The following GSK3B variants were observed in gnomAD, a reference collection of about 807,000 sequenced individuals.
GSK3B encodes the protein glycogen synthase kinase 3 beta.
A neutral mutation model predicts 56.4 loss-of-function variants in GSK3B; 15 were observed. That is an observed-to-expected ratio of 0.27 (90% CI 0.18 to 0.41). The LOEUF (loss-of-function observed/expected upper bound fraction) is 0.41, where lower values mean the gene tolerates loss of function less well. Among genes scored for constraint, GSK3B ranks in the 10% least tolerant of loss-of-function variants. The pLI, the probability that GSK3B is intolerant of heterozygous loss-of-function variation, is 1.00. For missense variants in GSK3B, 300 were observed against 513.4 expected (o/e 0.58, Z 4.02); for synonymous variants, 181 against 188.9 (o/e 0.96, Z 0.34).
chr3:119,900,390 T>C (rs1024004304), intron 7 of GSK3B, among the ~76,000 whole-genome samples: 12 of 152,266 alleles, frequency 7.9e-5, no homozygotes, highest in Admixed American at 7.9e-4. Flanking sequence ...GGAATTTTAA[T>C]ATTTAAAATT....
At chr3:119,856,585 A>G (rs1271303634) in intron 9 of GSK3B, among the ~76,000 whole-genome samples, 2 of 151,886 alleles carry the variant, frequency 1.3e-5, no homozygotes, top group Non-Finnish European at 2.9e-5. Context: ...TACCTGAACT[A>G]AATCTTACCT....
chr3:120,053,289 A>G (rs2058165747), intron 1 of GSK3B, among the ~76,000 whole-genome samples: 1 of 152,162 alleles, frequency 6.6e-6, no homozygotes, highest in Non-Finnish European at 1.5e-5. Context: ...GTGAGCCCAG[A>G]TCGCGCCACT....
intron 1 of GSK3B, among the ~76,000 whole-genome samples, chr3:120,027,305 A>C (rs904348038): frequency 2.0e-5 from 3 of 150,854 alleles, no homozygotes; most frequent in African/African-American, 7.3e-5. Context: ...TGAACCCAGG[A>C]GGTGGAGGTC....
At chr3:120,084,071 C>A (rs575857286) in intron 1 of GSK3B, among the ~76,000 whole-genome samples, 2 of 152,086 alleles carry the variant, frequency 1.3e-5, no homozygotes, top group Non-Finnish European at 2.9e-5. Context: ...TTACACAAGT[C>A]TATGAACACC....
At chr3:119,871,270 T>C (rs1228960318) in intron 8 of GSK3B, among the ~76,000 whole-genome samples, 2 of 152,234 alleles carry the variant, frequency 1.3e-5, no homozygotes, top group African/African-American at 4.8e-5. Context: ...AACACTAGTA[T>C]TGATTCACTA....
intron 3 of GSK3B, among the ~76,000 whole-genome samples, chr3:119,927,065 A>C (rs981399379): frequency 6.6e-6 from 1 of 152,134 alleles, no homozygotes; most frequent in African/African-American, 2.4e-5. Context: ...CTCTATCTCC[A>C]TGTAGAATAG....
chr3:120,022,957 G>A (rs1006471336), intron 1 of GSK3B, among the ~76,000 whole-genome samples: 3 of 152,182 alleles, frequency 2.0e-5, no homozygotes, highest in African/African-American at 7.2e-5. Flanking sequence ...ATTATTCGCA[G>A]TGTCAAAAGT....
At chr3:120,015,689 A>C (rs925257485) in intron 1 of GSK3B, among the ~76,000 whole-genome samples, 1 of 140,546 alleles carries the variant, frequency 7.1e-6, no homozygotes, top group African/African-American at 2.6e-5. Flanking sequence ...ACTAGACATT[A>C]TTGGAATCAT....
At chr3:120,045,313 T>G (rs1415059968) in intron 1 of GSK3B, among the ~76,000 whole-genome samples, 1 of 152,198 alleles carries the variant, frequency 6.6e-6, no homozygotes, top group Non-Finnish European at 1.5e-5. Context: ...AAACTCAACT[T>G]TCTTGTCCTC....
chr3:120,028,689 A>AT (rs2057950125), intron 1 of GSK3B: 2 of 423,868 alleles, frequency 4.7e-6, no homozygotes, highest in African/African-American at 4.1e-5. Context: ...GTTCCTCCAC[A>AT]CGTCTCAAAA....
intron 8 of GSK3B, among the ~76,000 whole-genome samples, chr3:119,869,696 G>A (rs1165061049): frequency 6.6e-6 from 1 of 152,184 alleles, no homozygotes; most frequent in Non-Finnish European, 1.5e-5. Flanking sequence ...GTGACTTTTA[G>A]TGAAACGTAT....
chr3:119,922,065 G>A (rs1347691695), intron 4 of GSK3B, among the ~76,000 whole-genome samples: 4 of 151,712 alleles, frequency 2.6e-5, no homozygotes, highest in South Asian at 4.1e-4. Context: ...TGAACCCAGA[G>A]GGTGGAGGTT....
At chr3:119,965,313 C>T (rs1380557487) in intron 2 of GSK3B, among the ~76,000 whole-genome samples, 2 of 151,204 alleles carry the variant, frequency 1.3e-5, no homozygotes, top group Non-Finnish European at 2.9e-5. Flanking sequence ...ATCCACCTGC[C>T]TCAGCCTCCC....
intron 9 of GSK3B, among the ~76,000 whole-genome samples, chr3:119,850,085 T>A (rs916500542): frequency 2.0e-5 from 3 of 152,022 alleles, no homozygotes; most frequent in African/African-American, 7.2e-5. Flanking sequence ...AAAAAGACTG[T>A]CATTTTGGCC....
At chr3:120,035,047 C>T (rs937214515) in intron 1 of GSK3B, among the ~76,000 whole-genome samples, 3 of 151,820 alleles carry the variant, frequency 2.0e-5, no homozygotes, top group Admixed American at 6.6e-5. Context: ...GAGCTGAGAT[C>T]GTGCCACTGC....
intron 2 of GSK3B, among the ~76,000 whole-genome samples, chr3:119,967,944 C>G (rs748540049): frequency 6.6e-6 from 1 of 152,064 alleles, no homozygotes; most frequent in Non-Finnish European, 1.5e-5. Context: ...GAACCTCTGC[C>G]TCCCGGATTC....
In GSK3B at chr3:119,970,766, G is replaced by A. The variant is rs1200786855; in HGVS notation, c.283-23415C>T. On this transcript the variant is annotated intron_variant, in intron 2 of 10. Coordinates refer to ENST00000264235, the MANE Select transcript of GSK3B (RefSeq NM_001146156.2). Reference sequence around the variant, plus strand: ...CGCGCCACTGCACTCCAGCCCGGGCGACAGTGTGAGACTCCGTTTCAAAAA... The same window carrying A: ...CGCGCCACTGCACTCCAGCCCGGGCAACAGTGTGAGACTCCGTTTCAAAAA... 5.3e-5 allele frequency among the ~76,000 whole-genome samples: 8 copies of A among 151,686 alleles called. 1 individual carries two copies. The highest frequency in any genetic ancestry group is 4.2e-4 in the South Asian group (2 of 4,798).
At chr3:120,072,282 G>A (rs969280461) in intron 1 of GSK3B, among the ~76,000 whole-genome samples, 2 of 152,120 alleles carry the variant, frequency 1.3e-5, no homozygotes, top group Non-Finnish European at 2.9e-5. Context: ...CTTCGGCCGG[G>A]CACGGTAGCT....
chr3:119,952,299 C>G (rs1202062287), intron 2 of GSK3B, among the ~76,000 whole-genome samples: 1 of 151,820 alleles, frequency 6.6e-6, no homozygotes. Context: ...ACCAGCCTGG[C>G]CAACATGGTG....
Sources: allele counts gnomAD v4.1 joint callset (sites outside exome capture counted in the v4.1 genomes callset), GRCh38; gene constraint gnomAD v4.1.1; transcripts MANE v1.5; gene names NCBI Gene and HGNC (gene_info 2026-07-23, HGNC 2026-07-21).